The following ENOX1 variants were observed in gnomAD, a reference collection of about 807,000 sequenced individuals.
The protein encoded by ENOX1 is ecto-NOX disulfide-thiol exchanger 1, also known as candidate growth-related and time keeping constitutive hydroquinone (NADH) oxidase.
In ENOX1, 42 loss-of-function variants were observed where a neutral mutation model predicts 82.5. The observed-to-expected ratio is 0.51, with a 90% CI of 0.40 to 0.66. The LOEUF (loss-of-function observed/expected upper bound fraction) is 0.66. Ranked by LOEUF, ENOX1 falls within the 30% of genes least tolerant of loss-of-function variation. The pLI is 0.00. For missense variants in ENOX1, 608 were observed against 811.6 expected (o/e 0.75, Z 3.05); for synonymous variants, 271 against 282.2 (o/e 0.96, Z 0.40).
At chr13:43,528,444 A>G (rs993689265) in intron 2 of ENOX1, among the ~76,000 whole-genome samples, 3 of 152,130 alleles carry the variant, frequency 2.0e-5, no homozygotes, top group African/African-American at 7.2e-5. Flanking sequence ...CCTTCACTAC[A>G]TTATTATAAT....
At chr13:43,401,878 C>T (rs1156603613) in intron 5 of ENOX1, among the ~76,000 whole-genome samples, 1 of 151,682 alleles carries the variant, frequency 6.6e-6, no homozygotes, top group Non-Finnish European at 1.5e-5. Context: ...TTCCAAGGAA[C>T]TTGACTGCAT....
At chr13:43,583,017 G>A (rs1020896107) in intron 2 of ENOX1, among the ~76,000 whole-genome samples, 24 of 151,476 alleles carry the variant, frequency 1.6e-4, no homozygotes, top group East Asian at 3.9e-4. Context: ...ACACACACAC[G>A]CACGCACACA....
chr13:43,537,993 G>T (rs2078538989), intron 2 of ENOX1, among the ~76,000 whole-genome samples: 1 of 152,186 alleles, frequency 6.6e-6, no homozygotes, highest in Admixed American at 6.5e-5. Context: ...CTGCCTCTCA[G>T]TGAACTGGCC....
At chr13:43,590,209 T>G (rs1333403210) in intron 2 of ENOX1, among the ~76,000 whole-genome samples, 2 of 151,790 alleles carry the variant, frequency 1.3e-5, no homozygotes, top group African/African-American at 4.8e-5. Flanking sequence ...AACAAAAAAC[T>G]GAATGATGGG....
chr13:43,623,264 C>T (rs2082820756), intron 2 of ENOX1, among the ~76,000 whole-genome samples: 1 of 152,160 alleles, frequency 6.6e-6, no homozygotes, highest in Non-Finnish European at 1.5e-5. Context: ...CCTTTGAATT[C>T]TGGCCAGGAG....
intron 1 of ENOX1, among the ~76,000 whole-genome samples, chr13:43,779,183 TAAAAAAAAA>T (rs57388902): frequency 4.9e-4 from 58 of 118,082 alleles, no homozygotes; most frequent in Non-Finnish European, 9.1e-5. Context: ...CCTCGTTATT[TAAAAAAAAA>T]AAAAAAAAAA....
At chr13:43,407,374 A>C (rs935966567) in intron 5 of ENOX1, among the ~76,000 whole-genome samples, 2 of 152,332 alleles carry the variant, frequency 1.3e-5, no homozygotes, top group Non-Finnish European at 2.9e-5. Context: ...GTGGAGAAGG[A>C]TCTCCACAGT....
At chr13:43,740,606 A>AT (rs2089861654) in intron 1 of ENOX1, among the ~76,000 whole-genome samples, 1 of 151,842 alleles carries the variant, frequency 6.6e-6, no homozygotes, top group Admixed American at 6.6e-5. Flanking sequence ...CCAATTACTT[A>AT]TTTTTTCCTG....
intron 4 of ENOX1, 112 bp downstream of exon 4, chr13:43,412,732 CT>C: frequency 8.2e-7 from 1 of 1,225,324 alleles, no homozygotes; most frequent in East Asian, 2.5e-5. Context: ...AGACTGATTT[CT>C]TTATGGGCCC....
chr13:43,369,007 C>CA (rs961380909), intron 5 of ENOX1, among the ~76,000 whole-genome samples: 4 of 151,712 alleles, frequency 2.6e-5, no homozygotes, highest in African/African-American at 9.7e-5. Context: ...ACACTGCACT[C>CA]ACTAGCTCCT....
chr13:43,262,055 AAAATC>A (rs1219992281), intron 14 of ENOX1, among the ~76,000 whole-genome samples: 1 of 152,192 alleles, frequency 6.6e-6, no homozygotes, highest in African/African-American at 2.4e-5. Context: ...AATATAATGA[AAAATC>A]AAAAAGGTAC....
At chr13:43,413,849 A>T (rs1279831834) in intron 3 of ENOX1, among the ~76,000 whole-genome samples, 6 of 151,650 alleles carry the variant, frequency 4.0e-5, no homozygotes, top group Non-Finnish European at 8.8e-5. Flanking sequence ...CTCCACCCTT[A>T]GAAATGCAAA....
At chr13:43,408,976 T>A (rs1204211611) in intron 5 of ENOX1, among the ~76,000 whole-genome samples, 1 of 140,730 alleles carries the variant, frequency 7.1e-6, no homozygotes, top group Non-Finnish European at 1.5e-5. Flanking sequence ...ATGGAGTAGA[T>A]AAATATTTTT....
Position 43,326,503 on chromosome 13 carries a change from G to A in ENOX1, c.1059C>T (p.Phe353=), listed in dbSNP as rs761423449. The change falls in exon 10 of 17, where the codon TTC becomes TTT. Residue 353 remains phenylalanine, a synonymous_variant. Coordinates refer to ENST00000690772, the MANE Select transcript of ENOX1 (RefSeq NM_001347969.2). ...LTQFEQIVAV[F]NASTRQKAWD... ...AAGCTTTTTGTCTGGTAGAAGCGTT[G>A]AAAACGGCCACAATCTGCTCAACTT... The A allele has an allele frequency of 1.2e-6, 2 of 1,614,124 alleles. No individual in the cohort carries two copies. The highest frequency in any genetic ancestry group is 2.2e-5 in the East Asian group (1 of 44,890).
chr13:43,450,991 C>A (rs898338294), intron 3 of ENOX1, among the ~76,000 whole-genome samples: 1 of 152,084 alleles, frequency 6.6e-6, no homozygotes, highest in Admixed American at 6.5e-5. Context: ...AGGGATCACC[C>A]GGGTATTTTG....
intron 2 of ENOX1, among the ~76,000 whole-genome samples, chr13:43,559,599 T>G (rs1046119634): frequency 8.5e-5 from 13 of 152,160 alleles, no homozygotes; most frequent in Non-Finnish European, 1.6e-4. Flanking sequence ...AATTATCCCG[T>G]TATAGCTATC....
chr13:43,481,751 A>AC (rs1248721527), intron 3 of ENOX1, among the ~76,000 whole-genome samples: 6 of 152,130 alleles, frequency 3.9e-5, no homozygotes, highest in African/African-American at 1.2e-4. Flanking sequence ...AAATTTGCAA[A>AC]CCATATATCT....
chr13:43,349,301 G>C (rs1053421909), intron 8 of ENOX1, among the ~76,000 whole-genome samples: 2 of 152,180 alleles, frequency 1.3e-5, no homozygotes, highest in Admixed American at 1.3e-4. Context: ...ACAGAAGCAA[G>C]GCCCTCTGCA....
intron 3 of ENOX1, among the ~76,000 whole-genome samples, chr13:43,422,227 G>C (rs2055021375): frequency 6.6e-6 from 1 of 152,186 alleles, no homozygotes; most frequent in Non-Finnish European, 1.5e-5. Flanking sequence ...AACCAATGTA[G>C]GATCACAAGC....
Sources: allele counts gnomAD v4.1 joint callset (sites outside exome capture counted in the v4.1 genomes callset), GRCh38; gene constraint gnomAD v4.1.1; transcripts MANE v1.5; gene names NCBI Gene and HGNC (gene_info 2026-07-23, HGNC 2026-07-21).